COG2: variants seen among roughly 807,000 people sequenced by gnomAD.
COG2 encodes component of oligomeric golgi complex 2.
A neutral mutation model predicts 90.6 loss-of-function variants in COG2; 52 were observed. The observed-to-expected ratio is 0.57, with a 90% CI of 0.46 to 0.72. The LOEUF (loss-of-function observed/expected upper bound fraction) is 0.72, where lower values mean the gene tolerates loss of function less well. Ranked by LOEUF, COG2 falls within the 30% of genes least tolerant of loss-of-function variation. COG2 has a pLI of 0.00. For missense variants in COG2, 829 were observed against 891.2 expected (o/e 0.93, Z 0.89); for synonymous variants, 337 against 320.4 (o/e 1.05, Z -0.55).
At chr1:230,690,814 G>C (rs1159768441) in intron 16 of COG2, among the ~76,000 whole-genome samples, 1 of 152,158 alleles carries the variant, frequency 6.6e-6, no homozygotes, top group Non-Finnish European at 1.5e-5. Flanking sequence ...TACAGTTTTT[G>C]TGGGCAAATG....
At chr1:230,645,419 C>G (rs1473144106) in intron 1 of COG2, among the ~76,000 whole-genome samples, 1 of 152,044 alleles carries the variant, frequency 6.6e-6, no homozygotes, top group Admixed American at 6.5e-5. Context: ...CGTATGACTT[C>G]ATGTGTTTTA....
At chr1:230,692,296 C>G (rs1663048402) in intron 17 of COG2, among the ~76,000 whole-genome samples, 1 of 151,568 alleles carries the variant, frequency 6.6e-6, no homozygotes, top group African/African-American at 2.4e-5. Context: ...CATAAAGTTT[C>G]CACAAGAGGA....
Position 230,679,037 on chromosome 1 carries a change from T to C in COG2, c.1151T>C (p.Val384Ala). 6.2e-7 allele frequency: 1 copy of C among 1,612,336 alleles called. No homozygotes were observed. Among genetic ancestry groups the C allele is most frequent in the Non-Finnish European group, 8.5e-7 (1 of 1,178,554 alleles). ...HSFNKKWNLP[V>A]YFQIRFREIA... ...TTCAATAAGAAGTGGAACTTGCCTG[T>C]TTATTTTCAAATAAGGTTGGTCATC... is the stretch of plus-strand genomic sequence containing the variant. The change falls in exon 10 of 18, where the codon GTT becomes GCT. Residue 384 changes from valine to alanine, a missense_variant. Coordinates refer to ENST00000366669, the MANE Select transcript of COG2 (RefSeq NM_007357.3).
Position 230,686,250 on chromosome 1 carries a change from C to T in COG2, c.1381-685C>T, listed in dbSNP as rs41342047. 7.1e-3 allele frequency among the ~76,000 whole-genome samples: 1,079 copies of T among 152,340 alleles called. 14 individuals carry two copies. Among genetic ancestry groups the T allele is most frequent in the African/African-American group, 0.024 (1,014 of 41,580 alleles). ...TTTGTGTTTCCCTTTTGCCTTTCCT[C>T]CGCTCAGAAGGGTCTTAGTGGACCA... On this transcript the variant is annotated intron_variant, in intron 12 of 17. Coordinates refer to ENST00000366669, the MANE Select transcript of COG2 (RefSeq NM_007357.3).
intron 1 of COG2, among the ~76,000 whole-genome samples, chr1:230,645,938 G>A (rs1336401105): frequency 6.6e-6 from 1 of 152,128 alleles, no homozygotes; most frequent in Non-Finnish European, 1.5e-5. Flanking sequence ...AATACAGGCT[G>A]CGCTCCTCCT....
intron 9 of COG2, chr1:230,678,618 G>A: frequency 7.5e-7 from 1 of 1,335,478 alleles, no homozygotes; most frequent in Non-Finnish European, 9.8e-7. Context: ...GTGGGCTGGG[G>A]TAGGGGGCCC....
chr1:230,667,842 A>G (rs1046102020), intron 5 of COG2, among the ~76,000 whole-genome samples: 7 of 152,200 alleles, frequency 4.6e-5, no homozygotes, highest in Non-Finnish European at 8.8e-5. Context: ...AGGATGCCTC[A>G]GTATACACAG....
intron 5 of COG2, among the ~76,000 whole-genome samples, chr1:230,665,943 C>T (rs1205749032): frequency 6.6e-6 from 1 of 152,154 alleles, no homozygotes; most frequent in Non-Finnish European, 1.5e-5. Flanking sequence ...ACTCCACTGC[C>T]CTTTTTCATG....
intron 1 of COG2, among the ~76,000 whole-genome samples, chr1:230,643,751 T>A (rs1661686109): frequency 3.9e-5 from 6 of 152,188 alleles, no homozygotes; most frequent in Admixed American, 3.9e-4. Flanking sequence ...TACCTTATTC[T>A]TGTAAGTGAT....
intron 1 of COG2, among the ~76,000 whole-genome samples, chr1:230,655,414 G>T (rs111464017): frequency 6.6e-6 from 1 of 152,118 alleles, no homozygotes; most frequent in Non-Finnish European, 1.5e-5. Context: ...TGATTTGCGT[G>T]TGTTGAACCA....
intron 11 of COG2, among the ~76,000 whole-genome samples, chr1:230,684,099 T>C (rs1662826857): frequency 6.6e-6 from 1 of 152,162 alleles, no homozygotes; most frequent in Admixed American, 6.5e-5. Flanking sequence ...GCCTGACTTC[T>C]TTTTTTAATA....
chr1:230,660,928 T>G, intron 3 of COG2, 105 bp downstream of exon 3: 1 of 647,738 alleles, frequency 1.5e-6, no homozygotes, highest in Non-Finnish European at 2.5e-6. Context: ...TGATTTTTGT[T>G]TTTTGAATGT....
intron 12 of COG2, among the ~76,000 whole-genome samples, chr1:230,686,686 A>G (rs1662891616): frequency 6.6e-6 from 1 of 152,134 alleles, no homozygotes; most frequent in Non-Finnish European, 1.5e-5. Context: ...CGTTATTTTT[A>G]TCACCAGAAA....
chr1:230,665,337 C>A (rs1364205920), intron 5 of COG2, among the ~76,000 whole-genome samples: 1 of 152,134 alleles, frequency 6.6e-6, no homozygotes, highest in Non-Finnish European at 1.5e-5. Flanking sequence ...AGACTAGACC[C>A]TCATACATGT....
Position 230,652,185 on chromosome 1 carries a change from C to T in COG2, c.73-7279C>T, listed in dbSNP as rs568604666. ...TCTGCCTGTCCATTCTTCCCCTCCT[C>T]TCCCGGCACCTTCAGCACCACCACC... On this transcript the variant is annotated intron_variant, in intron 1 of 17. Coordinates refer to ENST00000366669, the MANE Select transcript of COG2 (RefSeq NM_007357.3). 6.3e-5 allele frequency among the ~76,000 whole-genome samples: 6 copies of T among 94,760 alleles called. No homozygotes were observed. In the East Asian group the frequency reaches 3.2e-3, roughly 51 times the overall value. 62.2% of individuals were successfully genotyped at this position (94,760 alleles called of 152,430 possible).
rs149223074 is a variant in COG2 at position 230,678,346 on chromosome 1, C to T, written c.1027-567C>T. 2.1e-4 allele frequency: 210 copies of T among 985,258 alleles called. 3 individuals carry two copies. In the East Asian group the frequency reaches 0.019, roughly 90 times the overall value. 61.0% of individuals were successfully genotyped at this position (985,258 alleles called of 1,614,324 possible). On this transcript the variant is annotated intron_variant, in intron 9 of 17. Coordinates refer to ENST00000366669, the MANE Select transcript of COG2 (RefSeq NM_007357.3). Reference sequence around the variant, plus strand: ...GATGATGGTAGTTGCCCTGTGGGGTCGTTTTGTGGGTTAAATTAAATAAGA... The same window carrying T: ...GATGATGGTAGTTGCCCTGTGGGGTTGTTTTGTGGGTTAAATTAAATAAGA...
At chr1:230,652,451 A>T (rs912432881) in intron 1 of COG2, among the ~76,000 whole-genome samples, 1 of 152,156 alleles carries the variant, frequency 6.6e-6, no homozygotes, top group Non-Finnish European at 1.5e-5. Flanking sequence ...TCATCTATTT[A>T]CCTATTGAAA....
At chr1:230,646,239 C>T (rs750086966) in intron 1 of COG2, among the ~76,000 whole-genome samples, 1 of 152,170 alleles carries the variant, frequency 6.6e-6, no homozygotes, top group African/African-American at 2.4e-5. Context: ...CTCTTAAATT[C>T]ACTTCACTCT....
At chr1:230,677,889 A>T (rs1471405817) in intron 9 of COG2, 2 of 257,118 alleles carry the variant, frequency 7.8e-6, no homozygotes, top group African/African-American at 4.6e-5. Context: ...CATCCATTAT[A>T]TGCAGAGGTA....
Sources: allele counts gnomAD v4.1 joint callset (sites outside exome capture counted in the v4.1 genomes callset), GRCh38; gene constraint gnomAD v4.1.1; transcripts MANE v1.5; gene names NCBI Gene and HGNC (gene_info 2026-07-23, HGNC 2026-07-21).